The following ABCA13 variants were observed in gnomAD, a reference collection of about 807,000 sequenced individuals.
The protein encoded by ABCA13 is ATP-binding cassette sub-family A member 13.
Under a neutral mutation model 478.7 loss-of-function variants are expected in ABCA13, and 476 were observed. The observed-to-expected ratio is 0.99, with a 90% confidence interval of 0.92 to 1.07. The LOEUF is 1.07. Ranked by LOEUF, ABCA13 falls within the 50% of genes least tolerant of loss-of-function variation. The pLI, the probability that ABCA13 is intolerant of heterozygous loss-of-function variation, is 0.00. For synonymous variants in ABCA13, 2,252 were observed against 2,158.9 expected (o/e 1.04, Z -1.20); for missense variants, 6,060 against 5,910.6 (o/e 1.03, Z -0.83).
chr7:48,489,389 C>A, intron 48 of ABCA13, 45 bp downstream of exon 48: 2 of 1,452,386 alleles, frequency 1.4e-6, no homozygotes, highest in South Asian at 2.6e-5. Context: ...TTTCAAAAGA[C>A]AATGTTTTTA....
At chr7:48,427,151 C>G (rs972451331) in intron 41 of ABCA13, among the ~76,000 whole-genome samples, 6 of 152,198 alleles carry the variant, frequency 3.9e-5, no homozygotes, top group African/African-American at 1.4e-4. Context: ...CCCTTTGTGT[C>G]TGCTTGCACT....
chr7:48,303,533 GT>G (rs1800461438), intron 23 of ABCA13, among the ~76,000 whole-genome samples: 1 of 152,124 alleles, frequency 6.6e-6, no homozygotes, highest in South Asian at 2.1e-4. Flanking sequence ...AAGAAGCCCA[GT>G]TTCAATCTTC....
At chr7:48,617,794 C>T (rs143308240) in intron 59 of ABCA13, among the ~76,000 whole-genome samples, 1 of 152,048 alleles carries the variant, frequency 6.6e-6, no homozygotes, top group Non-Finnish European at 1.5e-5. Flanking sequence ...GAGGCTTGCA[C>T]CTGCTACGTC....
At chr7:48,531,731 ATTTT>A (rs34996683) in intron 55 of ABCA13, among the ~76,000 whole-genome samples, 6 of 102,264 alleles carry the variant, frequency 5.9e-5, no homozygotes, top group South Asian at 3.5e-4. Flanking sequence ...TATATTCCTA[ATTTT>A]TTTTTTTTTT....
intron 40 of ABCA13, among the ~76,000 whole-genome samples, chr7:48,412,007 A>G (rs1182884257): frequency 1.3e-5 from 2 of 151,974 alleles, no homozygotes; most frequent in African/African-American, 4.8e-5. Flanking sequence ...CTGCTGTTCA[A>G]TGCTAGGCCC....
At position 48,278,527 on chromosome 7, in the gene ABCA13, C is replaced by A; in HGVS notation, c.7333C>A (p.Leu2445Ile). 1 of 1,613,918 alleles carries A rather than the reference C, an allele frequency of 6.2e-7. No individual in the cohort carries two copies. The highest frequency in any genetic ancestry group is 1.7e-5 in the Admixed American group (1 of 60,018). ...GGACTTCTATGCTTTGTATCCTACC[C>A]TCCAAGAAGTTATACTTGCTAATCT... is the stretch of plus-strand genomic sequence containing the variant. ...NKDFYALYPTLQEVILANLTD... is the reference protein window; with the variant it reads ...NKDFYALYPTIQEVILANLTD... Residue 2445 changes from leucine to isoleucine, a missense_variant, in exon 18 of 62, where the codon CTC becomes ATC. This residue lies in a region of ABCA13 where 4,423 missense variants were observed against 4,309.1 expected (regional missense o/e 1.03). Coordinates refer to ENST00000435803, the MANE Select transcript of ABCA13 (RefSeq NM_152701.5).
intron 9 of ABCA13, among the ~76,000 whole-genome samples, chr7:48,240,622 TG>T (rs900508124): frequency 3.9e-5 from 6 of 152,244 alleles, no homozygotes; most frequent in Admixed American, 3.3e-4. Context: ...TTTTCTCTTT[TG>T]GGGGAAAAAA....
At chr7:48,406,395 G>T (rs996617388) in intron 39 of ABCA13, among the ~76,000 whole-genome samples, 1 of 152,160 alleles carries the variant, frequency 6.6e-6, no homozygotes, top group Admixed American at 6.5e-5. Context: ...ATGTGAGAGG[G>T]CACAGTTGTA....
chr7:48,456,381 G>T (rs1029913881), intron 43 of ABCA13, among the ~76,000 whole-genome samples: 2 of 152,092 alleles, frequency 1.3e-5, no homozygotes, highest in African/African-American at 4.8e-5. Flanking sequence ...TTCCCTCCTT[G>T]TCACACTCCT....
chr7:48,273,517 T>A lies in ABCA13; in HGVS notation c.3851T>A (p.Leu1284Gln). Residue 1284 changes from leucine (L) to glutamine (Q), a missense_variant, in exon 17 of 62, where the codon CTG becomes CAG. Around this residue, in one of 3 missense-constraint regions of ABCA13, gnomAD observed 4,423 missense variants for 4,309.1 expected, o/e 1.03. Transcript: ENST00000435803. Reference sequence around the variant, plus strand: ...ACAAGCAGAGAGTTTTTAAATTCTCTGCTTGAAGTTTTCATTGAGTTTAGC... The same window carrying A: ...ACAAGCAGAGAGTTTTTAAATTCTCAGCTTGAAGTTTTCATTGAGTTTAGC... Reference protein sequence around the residue: ...ESTSREFLNSLLEVFIEFSST... With the variant: ...ESTSREFLNSQLEVFIEFSST... The A allele has an allele frequency of 6.3e-7, 1 of 1,589,170 alleles. No homozygotes were observed.
intron 27 of ABCA13, among the ~76,000 whole-genome samples, chr7:48,324,669 A>G (rs1804040032): frequency 6.6e-6 from 1 of 152,220 alleles, no homozygotes; most frequent in Non-Finnish European, 1.5e-5. Context: ...TACTAAAAAC[A>G]AAAAATAAGT....
chr7:48,292,414 C>T (rs1446606884), intron 20 of ABCA13, among the ~76,000 whole-genome samples: 3 of 152,206 alleles, frequency 2.0e-5, no homozygotes, highest in Admixed American at 2.0e-4. Flanking sequence ...TCCCTTCCTT[C>T]TCCCCTTGCC....
At chr7:48,333,345 G>T (rs750211578) in intron 27 of ABCA13, among the ~76,000 whole-genome samples, 12 of 152,208 alleles carry the variant, frequency 7.9e-5, no homozygotes, top group Non-Finnish European at 1.3e-4. Context: ...TATTTTGTTT[G>T]CTTCAAGACA....
intron 13 of ABCA13, among the ~76,000 whole-genome samples, chr7:48,246,794 A>G (rs993802387): frequency 2.7e-4 from 41 of 152,200 alleles, no homozygotes; most frequent in Admixed American, 5.2e-4. Flanking sequence ...TGAAGAAGAC[A>G]CTATCTTGGT....
intron 58 of ABCA13, among the ~76,000 whole-genome samples, chr7:48,605,915 T>C (rs542001357): frequency 6.6e-6 from 1 of 152,334 alleles, no homozygotes; most frequent in Admixed American, 6.5e-5. Flanking sequence ...TCATTTCTTT[T>C]CACTCTTTTT....
chr7:48,389,737 C>G (rs1479424388), intron 37 of ABCA13, among the ~76,000 whole-genome samples: 1 of 152,124 alleles, frequency 6.6e-6, no homozygotes, highest in Non-Finnish European at 1.5e-5. Context: ...ATTAAAGAAT[C>G]AAATCATGTG....
At chr7:48,280,128 T>C (rs1256975280) in intron 18 of ABCA13, among the ~76,000 whole-genome samples, 2 of 152,226 alleles carry the variant, frequency 1.3e-5, no homozygotes, top group African/African-American at 4.8e-5. Flanking sequence ...CAAATATAAT[T>C]GCAGTTTATT....
chr7:48,273,652 A>C lies in ABCA13; in HGVS notation c.3986A>C (p.Glu1329Ala). The part of the protein sequence containing the change: ...KFENIITELR[E>A]AIVFLRNVSH... Reference sequence around the variant, plus strand: ...GAAAATATCATCACTGAGCTAAGAGAAGCAATAGTATTTCTTAGAAATGTA... The same window carrying C: ...GAAAATATCATCACTGAGCTAAGAGCAGCAATAGTATTTCTTAGAAATGTA... Residue 1329 changes from glutamate (E) to alanine (A), a missense_variant, in exon 17 of 62, where the codon GAA (glutamate) becomes GCA (alanine). By Grantham distance (107) the Glu-to-Ala change is moderately radical. Around this residue, in one of 3 missense-constraint regions of ABCA13, gnomAD observed 4,423 missense variants for 4,309.1 expected, o/e 1.03. Coordinates refer to ENST00000435803, the MANE Select transcript of ABCA13 (RefSeq NM_152701.5). 1 of 1,607,262 alleles carries C rather than the reference A, an allele frequency of 6.2e-7. No homozygotes were observed. Among genetic ancestry groups the C allele is most frequent in the Non-Finnish European group, 8.5e-7 (1 of 1,176,284 alleles).
At chr7:48,502,237 G>A (rs1261289864) in intron 48 of ABCA13, among the ~76,000 whole-genome samples, 3 of 152,156 alleles carry the variant, frequency 2.0e-5, no homozygotes, top group Non-Finnish European at 4.4e-5. Context: ...TGGGAGACCA[G>A]ATGTACTCTC....
Sources: gnomAD v4.1 joint callset for allele counts (sites outside exome capture counted in the v4.1 genomes callset) on GRCh38, gnomAD v4.1.1 for gene constraint, gnomAD v4.1.1 regional missense constraint, MANE v1.5 for transcripts, NCBI Gene and HGNC (gene_info 2026-07-23, HGNC 2026-07-21) for gene names.